PTPRN2: variants seen among roughly 807,000 people sequenced by gnomAD.
PTPRN2 encodes the protein protein tyrosine phosphatase receptor type N2.
Under a neutral mutation model 118.8 loss-of-function variants are expected in PTPRN2, and 74 were observed. The observed-to-expected ratio is 0.62, with a 90% CI of 0.52 to 0.76. The LOEUF (loss-of-function observed/expected upper bound fraction) is 0.76, where lower values mean the gene tolerates loss of function less well. Ranked by LOEUF, PTPRN2 falls within the 30% of genes least tolerant of loss-of-function variation. The pLI is 0.00. For synonymous variants in PTPRN2, 641 were observed against 608.0 expected, an observed-to-expected ratio of 1.05 and a Z score of -0.80; for missense variants, 1,481 against 1,394.4, an observed-to-expected ratio of 1.06 and a Z score of -0.99.
intron 9 of PTPRN2, among the ~76,000 whole-genome samples, chr7:158,122,089 T>G (rs2150395902): frequency 6.6e-6 from 1 of 152,320 alleles, no homozygotes; most frequent in South Asian, 2.1e-4. Flanking sequence ...ATGTGGCGGC[T>G]TCCACCCTCA....
In PTPRN2 at chr7:157,606,376, C is replaced by T. The variant is rs550357731; in HGVS notation, c.2345-2301G>A. Among the ~76,000 whole-genome samples the T allele has an allele frequency of 5.3e-5, 8 of 152,310 alleles. No homozygotes were observed. The East Asian group carries it at 1.5e-3, about 29-fold the overall frequency. On this transcript the variant is annotated intron_variant, in intron 15 of 22. Coordinates refer to ENST00000389418, the MANE Select transcript of PTPRN2 (RefSeq NM_002847.5). ...GGTGGGGGTGGGGTCCTGCCTGCCG[C>T]GTGGAACAGGATGCCCAGGTTACGC...
intron 16 of PTPRN2, among the ~76,000 whole-genome samples, chr7:157,602,885 A>G (rs1801763559): frequency 6.6e-6 from 1 of 152,212 alleles, no homozygotes; most frequent in South Asian, 2.1e-4. Context: ...TTGTGCCTCG[A>G]TCACCTGCCC....
At chr7:157,812,694 G>A (rs748294538) in intron 12 of PTPRN2, among the ~76,000 whole-genome samples, 1 of 152,088 alleles carries the variant, frequency 6.6e-6, no homozygotes, top group Non-Finnish European at 1.5e-5. Flanking sequence ...CTTGGTAGCC[G>A]GGTGCTGGCC....
intron 12 of PTPRN2, among the ~76,000 whole-genome samples, chr7:157,792,468 C>T (rs1377587249): frequency 6.6e-6 from 1 of 152,228 alleles, no homozygotes; most frequent in East Asian, 1.9e-4. Flanking sequence ...GAGGTCTCCG[C>T]GTCCCAGCAC....
intron 13 of PTPRN2, among the ~76,000 whole-genome samples, chr7:157,675,681 C>A (rs964345458): frequency 6.6e-6 from 1 of 152,178 alleles, no homozygotes; most frequent in Non-Finnish European, 1.5e-5. Context: ...CAACACCCAT[C>A]CCAGCCCCGC....
In PTPRN2 at chr7:157,794,376, C is replaced by T. The variant is rs1175746916; in HGVS notation, c.1788+104297G>A. Among the ~76,000 whole-genome samples, 1 of 152,230 alleles carries T rather than the reference C, an allele frequency of 6.6e-6. No individual in the cohort carries two copies. The highest frequency in any genetic ancestry group is 2.4e-5 in the African/African-American group (1 of 41,456). On this transcript the variant is annotated intron_variant, in intron 12 of 22. Transcript: ENST00000389418. This position sits in a 1 kb window ranked among gnomAD's most constrained non-coding sequence, Gnocchi z 5.2. Reference sequence around the variant, plus strand: ...CACTTCCGGTTCTGCGTCTGGCCGGCCTACGGGCACTCGGGCAGTGCGGTG... The same window carrying T: ...CACTTCCGGTTCTGCGTCTGGCCGGTCTACGGGCACTCGGGCAGTGCGGTG...
intron 2 of PTPRN2, among the ~76,000 whole-genome samples, chr7:158,337,257 C>G (rs77013551): frequency 1.5e-5 from 2 of 135,266 alleles, no homozygotes; most frequent in Non-Finnish European, 3.3e-5. Flanking sequence ...AGAGCTGACA[C>G]CTGCAGACGT....
chr7:157,583,154 C>T lies in PTPRN2; in HGVS notation c.2497-5014G>A, dbSNP rs1563232975. 6.6e-6 allele frequency among the ~76,000 whole-genome samples: 1 copy of T among 152,088 alleles called. No homozygotes were observed. The highest frequency in any genetic ancestry group is 1.9e-4 in the East Asian group (1 of 5,194). On this transcript the variant is annotated intron_variant, in intron 17 of 22. Coordinates refer to ENST00000389418, the MANE Select transcript of PTPRN2 (RefSeq NM_002847.5). The surrounding 1 kb of genome is among the most constrained non-coding windows in gnomAD (Gnocchi z 5.5). ...TTATTCAGCCTTAAGAAAGAATGAACTCCTGTCATTTTTGACAACATGGAT... is the reference window on the plus strand; with the variant it reads ...TTATTCAGCCTTAAGAAAGAATGAATTCCTGTCATTTTTGACAACATGGAT...
chr7:157,772,112 CACAG>C (rs1273660608), intron 12 of PTPRN2, among the ~76,000 whole-genome samples: 15 of 151,290 alleles, frequency 9.9e-5, no homozygotes, highest in African/African-American at 2.2e-4. Flanking sequence ...GATACACACA[CACAG>C]ACATACACAT....
At chr7:158,312,444 G>A (rs11765546) in intron 3 of PTPRN2, among the ~76,000 whole-genome samples, 143,774 of 149,910 alleles carry the variant, frequency 0.96, 68,999 homozygotes, top group African/African-American at 0.99. Flanking sequence ...ACACCCCTGC[G>A]CACTCATTCA....
chr7:157,850,999 C>T (rs1195395439), intron 12 of PTPRN2, among the ~76,000 whole-genome samples: 7 of 152,264 alleles, frequency 4.6e-5, no homozygotes, highest in East Asian at 1.9e-4. Flanking sequence ...AGAAAAGCAG[C>T]GGAATGGGCG....
chr7:158,162,625 A>G (rs1257756913), intron 6 of PTPRN2, among the ~76,000 whole-genome samples: 1 of 65,510 alleles, frequency 1.5e-5, no homozygotes, highest in African/African-American at 4.4e-5. Context: ...GATGAGCCCC[A>G]AATTCCTTCA....
chr7:158,107,922 A>C (rs1815818157), intron 10 of PTPRN2, among the ~76,000 whole-genome samples: 1 of 135,728 alleles, frequency 7.4e-6, no homozygotes. Flanking sequence ...CCTCTCTCAC[A>C]TGGATCTGGG....
chr7:157,959,205 T>G (rs1801370308), intron 11 of PTPRN2, among the ~76,000 whole-genome samples: 1 of 152,286 alleles, frequency 6.6e-6, no homozygotes, highest in East Asian at 1.9e-4. Context: ...TTACATCATA[T>G]ACAAAACTTA....
intron 2 of PTPRN2, among the ~76,000 whole-genome samples, chr7:158,460,152 T>A (rs1586726970): frequency 6.5e-5 from 5 of 76,682 alleles, no homozygotes; most frequent in Admixed American, 1.3e-4. Context: ...TCTATCTACA[T>A]GCTCCTCCTA....
chr7:157,841,128 T>C (rs1425318898), intron 12 of PTPRN2, among the ~76,000 whole-genome samples: 1 of 152,256 alleles, frequency 6.6e-6, no homozygotes, highest in African/African-American at 2.4e-5. Flanking sequence ...GATCTACTTT[T>C]AAGTTCTGTG....
At position 157,583,880 on chromosome 7, in the gene PTPRN2, TCAAA is replaced by T. The variant is rs1261139789; in HGVS notation, c.2497-5744_2497-5741del. 1.7e-5 allele frequency among the ~76,000 whole-genome samples: 2 copies of T among 114,878 alleles called. No individual in the cohort carries two copies. The highest frequency in any genetic ancestry group is 3.3e-5 in the African/African-American group (1 of 29,874). The allele number at this position is 114,878 out of a possible 152,430, so 75.4% of individuals were successfully genotyped here. Reference sequence around the variant, plus strand: ...CTGGGTGACAGAGCGAGACTCTGTCTCAAACACACACACACACACACACACACAC... The same window carrying T: ...CTGGGTGACAGAGCGAGACTCTGTCTCACACACACACACACACACACACAC... On this transcript the variant is annotated intron_variant, in intron 17 of 22. Coordinates refer to ENST00000389418, the MANE Select transcript of PTPRN2 (RefSeq NM_002847.5). The surrounding 1 kb of genome is among the most constrained non-coding windows in gnomAD (Gnocchi z 5.5).
At chr7:157,912,069 C>T (rs1430378337) in intron 11 of PTPRN2, among the ~76,000 whole-genome samples, 1 of 152,172 alleles carries the variant, frequency 6.6e-6, no homozygotes, top group South Asian at 2.1e-4. Context: ...CACGTGTCTC[C>T]AGGCCCATGT....
chr7:158,497,823 G>A (rs527274253), intron 1 of PTPRN2, among the ~76,000 whole-genome samples: 2 of 152,380 alleles, frequency 1.3e-5, no homozygotes, highest in East Asian at 1.9e-4. Context: ...CCCTGTTCCT[G>A]CGGGGACACC....
Sources: allele counts gnomAD v4.1 joint callset (sites outside exome capture counted in the v4.1 genomes callset), GRCh38; gene constraint gnomAD v4.1.1; non-coding constraint Gnocchi (gnomAD v3.1); transcripts MANE v1.5; gene names NCBI Gene and HGNC (gene_info 2026-07-23, HGNC 2026-07-21).